Variants in CDH4 observed in about 807,000 individuals in gnomAD.
The protein encoded by CDH4 is cadherin 4.
CDH4 carries 33 observed loss-of-function variants against 86.0 expected under a neutral mutation model. The ratio of observed to expected loss-of-function variants is 0.38; its 90% CI spans 0.29 to 0.51. CDH4 has a LOEUF of 0.51. Ranked by LOEUF, CDH4 falls within the 20% of genes least tolerant of loss-of-function variation. The pLI, the probability that CDH4 is intolerant of heterozygous loss-of-function variation, is 0.86. For missense variants in CDH4, 1,114 were observed against 1,307.4 expected, an observed-to-expected ratio of 0.85 and a Z score of 2.28; for synonymous variants, 555 against 549.4, an observed-to-expected ratio of 1.01 and a Z score of -0.14.
chr20:61,808,607 T>C (rs1028166714), intron 4 of CDH4, among the ~76,000 whole-genome samples: 1 of 152,218 alleles, frequency 6.6e-6, no homozygotes, highest in South Asian at 2.1e-4. Flanking sequence ...TAATGTGATT[T>C]GAAACAGAAG....
At chr20:61,558,080 C>T (rs947953217) in intron 2 of CDH4, among the ~76,000 whole-genome samples, 1 of 152,156 alleles carries the variant, frequency 6.6e-6, no homozygotes, top group African/African-American at 2.4e-5. Context: ...GACTCACTTT[C>T]ATTAAATTCT....
chr20:61,877,904 T>G (rs1984108251), intron 7 of CDH4, among the ~76,000 whole-genome samples: 1 of 152,080 alleles, frequency 6.6e-6, no homozygotes, highest in Admixed American at 6.5e-5. Flanking sequence ...AACGCGTCTT[T>G]GGCTGGGAGG....
At chr20:61,649,747 G>A (rs2087102199) in intron 2 of CDH4, among the ~76,000 whole-genome samples, 1 of 152,224 alleles carries the variant, frequency 6.6e-6, no homozygotes, top group East Asian at 1.9e-4. Flanking sequence ...CTTGCAAGAA[G>A]AGCATGGCGG....
At chr20:61,824,248 C>G (rs1981203494) in intron 4 of CDH4, among the ~76,000 whole-genome samples, 1 of 152,030 alleles carries the variant, frequency 6.6e-6, no homozygotes, top group Non-Finnish European at 1.5e-5. Flanking sequence ...GAAGCCATCC[C>G]CATTGCCACC....
intron 6 of CDH4, among the ~76,000 whole-genome samples, chr20:61,870,412 C>T (rs533973571): frequency 6.6e-6 from 1 of 152,330 alleles, no homozygotes; most frequent in Admixed American, 6.5e-5. Flanking sequence ...GCCCGAGAGA[C>T]CGTCATTCTC....
intron 2 of CDH4, among the ~76,000 whole-genome samples, chr20:61,349,129 C>T (rs936064846): frequency 6.6e-6 from 1 of 152,194 alleles, no homozygotes; most frequent in Non-Finnish European, 1.5e-5. Context: ...GGACAGAGTT[C>T]CTGTCTATAT....
intron 2 of CDH4, among the ~76,000 whole-genome samples, chr20:61,465,092 G>A (rs528331820): frequency 5.9e-5 from 9 of 152,294 alleles, no homozygotes; most frequent in African/African-American, 1.7e-4. Flanking sequence ...CCAGGTGACC[G>A]TCCACAGGGA....
intron 2 of CDH4, among the ~76,000 whole-genome samples, chr20:61,722,043 GAGAGA>G (rs2145913880): frequency 6.6e-6 from 1 of 152,296 alleles, no homozygotes; most frequent in South Asian, 2.1e-4. Flanking sequence ...CGTCCAATGT[GAGAGA>G]AAGAACAAAC....
intron 2 of CDH4, among the ~76,000 whole-genome samples, chr20:61,729,184 G>C (rs2088149237): frequency 6.6e-6 from 1 of 152,202 alleles, no homozygotes; most frequent in South Asian, 2.1e-4. Context: ...TGGCGCATTG[G>C]TGGCTGGATT....
intron 2 of CDH4, among the ~76,000 whole-genome samples, chr20:61,578,067 T>C (rs2086397445): frequency 6.6e-6 from 1 of 152,132 alleles, no homozygotes; most frequent in Admixed American, 6.5e-5. Flanking sequence ...GGCAAATCTC[T>C]CTGTGTCCCG....
At chr20:61,491,137 G>T (rs2085623757) in intron 2 of CDH4, among the ~76,000 whole-genome samples, 1 of 152,184 alleles carries the variant, frequency 6.6e-6, no homozygotes, top group Non-Finnish European at 1.5e-5. Context: ...ATTATAGCAG[G>T]GTTTTGTTTT....
chr20:61,821,516 C>T (rs1871938921), intron 4 of CDH4, among the ~76,000 whole-genome samples: 1 of 148,924 alleles, frequency 6.7e-6, no homozygotes, highest in Admixed American at 6.7e-5. Flanking sequence ...CCCACTGCTC[C>T]AGTCCCCTCA....
chr20:61,651,977 G>A (rs751442646), intron 2 of CDH4, among the ~76,000 whole-genome samples: 26 of 152,272 alleles, frequency 1.7e-4, no homozygotes, highest in Non-Finnish European at 2.4e-4. Flanking sequence ...GGAGAGTCCC[G>A]CAGGAGGAGG....
At position 61,811,682 on chromosome 20, in the gene CDH4, CTTTTT is replaced by C; in HGVS notation, c.577-32972_577-32968del. Among the ~76,000 whole-genome samples, 1 of 127,468 alleles carries C rather than the reference CTTTTT, an allele frequency of 7.8e-6. No homozygotes were observed. The highest frequency in any genetic ancestry group is 2.8e-4 in the South Asian group (1 of 3,586). 83.6% of individuals were successfully genotyped at this position (127,468 alleles called of 152,430 possible). On this transcript the variant is annotated intron_variant, in intron 4 of 15. Coordinates refer to ENST00000614565, the MANE Select transcript of CDH4 (RefSeq NM_001794.5). This position sits in a 1 kb window ranked among gnomAD's most constrained non-coding sequence, Gnocchi z 4.4. ...GTCACGCCCCTGGCTGCCTACTGAG[CTTTTT>C]TTTTTTTTTTTTTGAGTTGGCACCC...
At chr20:61,910,039 G>A (rs1023480756) in intron 8 of CDH4, among the ~76,000 whole-genome samples, 4 of 152,260 alleles carry the variant, frequency 2.6e-5, no homozygotes, top group Admixed American at 6.5e-5. Flanking sequence ...GCTATGAGGC[G>A]TGCACTCCCG....
chr20:61,606,219 G>T (rs544801855), intron 2 of CDH4, among the ~76,000 whole-genome samples: 1 of 152,136 alleles, frequency 6.6e-6, no homozygotes, highest in African/African-American at 2.4e-5. Flanking sequence ...TGGCCAAGCA[G>T]ACAGAGAATG....
intron 8 of CDH4, among the ~76,000 whole-genome samples, chr20:61,903,452 G>A (rs2054751134): frequency 7.2e-6 from 1 of 138,612 alleles, no homozygotes; most frequent in Non-Finnish European, 1.5e-5. Context: ...GGCTGAGGCA[G>A]AAGAATTGCT....
rs113121223 is a variant in CDH4 at position 61,812,329 on chromosome 20, T to C, written c.577-32339T>C. ...GCCTGGGGTCCCTGCCCTCAAGCCG[T>C]CACTGGCCCTGGGCTGCTGGGCCTG... On this transcript the variant is annotated intron_variant, in intron 4 of 15. Coordinates refer to ENST00000614565, the MANE Select transcript of CDH4 (RefSeq NM_001794.5). Among the ~76,000 whole-genome samples the C allele has an allele frequency of 7.7e-3, 1,170 of 152,212 alleles. 13 individuals are homozygous for C. The highest frequency in any genetic ancestry group is 0.025 in the African/African-American group (1,030 of 41,540).
At chr20:61,382,446 C>T (rs1166327155) in intron 2 of CDH4, among the ~76,000 whole-genome samples, 1 of 152,216 alleles carries the variant, frequency 6.6e-6, no homozygotes, top group African/African-American at 2.4e-5. Flanking sequence ...GGGAGTGGAC[C>T]TCCCATGAGC....
Sources: allele counts gnomAD v4.1 joint callset (sites outside exome capture counted in the v4.1 genomes callset), GRCh38; gene constraint gnomAD v4.1.1; non-coding constraint Gnocchi (gnomAD v3.1); transcripts MANE v1.5; gene names NCBI Gene and HGNC (gene_info 2026-07-23, HGNC 2026-07-21).